ZKSCAN5: variants seen among roughly 807,000 people sequenced by gnomAD.
ZKSCAN5 encodes zinc finger protein with KRAB and SCAN domains 5.
A neutral mutation model predicts 60.0 loss-of-function variants in ZKSCAN5; 28 were observed. That is an observed-to-expected ratio of 0.47 (90% confidence interval 0.35 to 0.64). The LOEUF (loss-of-function observed/expected upper bound fraction) is 0.64, where lower values mean the gene tolerates loss of function less well. Among genes scored for constraint, ZKSCAN5 ranks in the 30% least tolerant of loss-of-function variants. ZKSCAN5 has a pLI of 0.01. For synonymous variants in ZKSCAN5, 361 were observed against 371.2 expected (o/e 0.97, Z 0.31); for missense variants, 881 against 1,034.6 (o/e 0.85, Z 2.04).
intron 2 of ZKSCAN5, among the ~76,000 whole-genome samples, chr7:99,510,215 T>C (rs1235621317): frequency 6.6e-6 from 1 of 151,772 alleles, no homozygotes; most frequent in Admixed American, 6.6e-5. Context: ...GTTACAGGTG[T>C]GAGCCACTGT....
intron 2 of ZKSCAN5, among the ~76,000 whole-genome samples, chr7:99,510,881 A>T (rs1398766970): frequency 6.6e-6 from 1 of 152,094 alleles, no homozygotes; most frequent in Non-Finnish European, 1.5e-5. Flanking sequence ...AGCTGGGACT[A>T]TATAGATGTA....
At chr7:99,520,520 A>C (rs1467148738) in intron 5 of ZKSCAN5, among the ~76,000 whole-genome samples, 1 of 151,730 alleles carries the variant, frequency 6.6e-6, no homozygotes, top group African/African-American at 2.4e-5. Flanking sequence ...TTAAACACTG[A>C]TAGTACTTGG....
chr7:99,525,909 T>G lies in ZKSCAN5; in HGVS notation c.869T>G (p.Val290Gly), dbSNP rs1801761660. 6.2e-7 allele frequency: 1 copy of G among 1,613,984 alleles called. No homozygotes were observed. Among genetic ancestry groups the G allele is most frequent in the South Asian group, 1.1e-5 (1 of 91,066 alleles). The change falls in exon 6 of 7, where the codon GTT (valine) becomes GGT (glycine). Residue 290 changes from valine to glycine, a missense_variant. Physicochemically the swap from Val to Gly is moderately radical, Grantham distance 109. Transcript: ENST00000326775. Reference sequence around the variant, plus strand: ...GCGCCAGAACACACCGAAAGGAGCGTTCCTCAGGATCCAGACTTTGCAGAA... The same window carrying G: ...GCGCCAGAACACACCGAAAGGAGCGGTCCTCAGGATCCAGACTTTGCAGAA... ...WVAPEHTERS[V>G]PQDPDFAEVS...
At chr7:99,509,549 C>G (rs974099033) in intron 2 of ZKSCAN5, among the ~76,000 whole-genome samples, 1 of 151,628 alleles carries the variant, frequency 6.6e-6, no homozygotes, top group African/African-American at 2.4e-5. Context: ...TCACTGCAAG[C>G]TCCACCTCCC....
chr7:99,517,498 T>C (rs1236065078), intron 3 of ZKSCAN5, among the ~76,000 whole-genome samples: 2 of 152,000 alleles, frequency 1.3e-5, no homozygotes, highest in African/African-American at 4.8e-5. Context: ...CTGGCCAACA[T>C]GGCGAAATCC....
intron 5 of ZKSCAN5, among the ~76,000 whole-genome samples, chr7:99,520,729 G>GAT (rs1801499072): frequency 6.6e-6 from 1 of 152,102 alleles, no homozygotes; most frequent in Non-Finnish European, 1.5e-5. Context: ...GCCAGGTGTG[G>GAT]TAGCTCATGC....
chr7:99,516,713 G>T lies in ZKSCAN5; in HGVS notation c.554-3114G>T, dbSNP rs140076570. Among the ~76,000 whole-genome samples, 6 of 152,182 alleles carry T rather than the reference G, an allele frequency of 3.9e-5. No homozygotes were observed. The East Asian group carries it at 1.2e-3, about 29-fold the overall frequency. On this transcript the variant is annotated intron_variant, in intron 3 of 6. Coordinates refer to ENST00000326775, the MANE Select transcript of ZKSCAN5 (RefSeq NM_145102.4). Reference sequence around the variant, plus strand: ...CAGAGGTGAGATGTCCGGGTGTTGCGCATGCTGTTCCTGCTGTGGGGAAAG... The same window carrying T: ...CAGAGGTGAGATGTCCGGGTGTTGCTCATGCTGTTCCTGCTGTGGGGAAAG...
intron 6 of ZKSCAN5, among the ~76,000 whole-genome samples, chr7:99,528,969 AG>A (rs1801927136): frequency 6.6e-6 from 1 of 152,180 alleles, no homozygotes; most frequent in East Asian, 1.9e-4. Context: ...CTAAGGGTGA[AG>A]GGGGCAGGGA....
intron 3 of ZKSCAN5, among the ~76,000 whole-genome samples, chr7:99,518,382 C>T (rs916290639): frequency 6.6e-6 from 1 of 151,398 alleles, no homozygotes; most frequent in Admixed American, 6.6e-5. Context: ...GATCGCGCCA[C>T]TGCACTCTAG....
chr7:99,516,169 C>A (rs1801258146), intron 3 of ZKSCAN5, among the ~76,000 whole-genome samples: 1 of 152,100 alleles, frequency 6.6e-6, no homozygotes, highest in African/African-American at 2.4e-5. Flanking sequence ...TCAGCAGCAG[C>A]TTCTCTCCTA....
chr7:99,520,454 ATT>A, intron 5 of ZKSCAN5, 150 bp downstream of exon 5: 1 of 786,348 alleles, frequency 1.3e-6, no homozygotes. Flanking sequence ...ATCAGCCTTC[ATT>A]TTTTTTTTCT....
chr7:99,515,867 A>C (rs1801244072), intron 3 of ZKSCAN5, among the ~76,000 whole-genome samples: 1 of 151,740 alleles, frequency 6.6e-6, no homozygotes, highest in South Asian at 2.1e-4. Flanking sequence ...AATTAAGCTG[A>C]GTCCTCGAGA....
intron 2 of ZKSCAN5, among the ~76,000 whole-genome samples, chr7:99,507,143 A>T (rs1476543241): frequency 6.6e-6 from 1 of 152,154 alleles, no homozygotes; most frequent in East Asian, 1.9e-4. Context: ...CATATTCTGT[A>T]TGTATAAGCA....
At chr7:99,521,123 T>G (rs1801521475) in intron 5 of ZKSCAN5, among the ~76,000 whole-genome samples, 1 of 152,194 alleles carries the variant, frequency 6.6e-6, no homozygotes, top group African/African-American at 2.4e-5. Flanking sequence ...TAGTAAATTC[T>G]TTTAGAAGAA....
chr7:99,507,587 G>GTATA (rs1288937605), intron 2 of ZKSCAN5, among the ~76,000 whole-genome samples: 39 of 146,116 alleles, frequency 2.7e-4, no homozygotes, highest in African/African-American at 1.0e-3. Context: ...GTATATTTAT[G>GTATA]TGTGTGTGTA....
chr7:99,533,184 C>T lies in ZKSCAN5; in HGVS notation c.*935C>T, dbSNP rs757689100. ...CTGGGTGCCCCAGAAATAGACCTCTCCTGTAGAGTGGTGATATACAGAATG... is the reference window on the plus strand; with the variant it reads ...CTGGGTGCCCCAGAAATAGACCTCTTCTGTAGAGTGGTGATATACAGAATG... On this transcript the variant is annotated 3_prime_UTR_variant, in exon 7 of 7. Coordinates refer to ENST00000326775, the MANE Select transcript of ZKSCAN5 (RefSeq NM_145102.4). The T allele has an allele frequency of 3.3e-6, 2 of 602,788 alleles. No individual in the cohort carries two copies. The highest frequency in any genetic ancestry group is 1.5e-5 in the South Asian group (1 of 65,382). The allele number at this position is 602,788 out of a possible 1,614,324, so 37.3% of individuals were successfully genotyped here.
In ZKSCAN5 at chr7:99,526,094, G is replaced by A. The variant is rs2151113957; in HGVS notation, c.1054G>A (p.Gly352Ser). 1.2e-6 allele frequency: 2 copies of A among 1,614,196 alleles called. No homozygotes were observed. Among genetic ancestry groups the A allele is most frequent in the Middle Eastern group, 1.6e-4 (1 of 6,062 alleles). Residue 352 changes from glycine to serine, a missense_variant, in exon 6 of 7, where the codon GGC (glycine) becomes AGC (serine). Transcript: ENST00000326775. ...GAGAGGGCACAGATGCAGCGATTGT[G>A]GCAAATTCTTCCTCCAAGCCTCAAA... The part of the protein sequence containing the change: ...GERGHRCSDC[G>S]KFFLQASNFI...
Position 99,531,364 on chromosome 7 carries a change from A to G in ZKSCAN5, c.1635A>G (p.Gly545=). 1 of 1,614,170 alleles carries G rather than the reference A, an allele frequency of 6.2e-7. No individual in the cohort carries two copies. Among genetic ancestry groups the G allele is most frequent in the Non-Finnish European group, 8.5e-7 (1 of 1,180,036 alleles). The change falls in exon 7 of 7, where the codon GGA becomes GGG. Residue 545 remains glycine, a synonymous_variant. Transcript: ENST00000326775. ...VPYVHKKSST[G]ERPHKCNECG... The stretch of plus-strand genomic sequence containing the variant: ...ATGTCCACAAAAAATCCTCCACTGG[A>G]GAGAGACCACATAAATGTAACGAGT...
rs370146897 is a variant in ZKSCAN5 at position 99,506,427 on chromosome 7, T to C, written c.383T>C (p.Ile128Thr). Reference protein sequence around the residue: ...GEEAVAVIENIQRELEERRQQ... With the variant: ...GEEAVAVIENTQRELEERRQQ... The stretch of plus-strand genomic sequence containing the variant: ...GAGGCGGTGGCCGTGATAGAAAATA[T>C]ACAGCGAGAACTTGAGGAACGCAGA... The change falls in exon 2 of 7, where the codon ATA becomes ACA. Residue 128 changes from isoleucine to threonine, a missense_variant. Transcript: ENST00000326775. The C allele has an allele frequency of 1.9e-6, 3 of 1,613,452 alleles. No homozygotes were observed. The highest frequency in any genetic ancestry group is 2.7e-5 in the African/African-American group (2 of 74,886).
Sources: gnomAD v4.1 joint callset for allele counts (sites outside exome capture counted in the v4.1 genomes callset) on GRCh38, gnomAD v4.1.1 for gene constraint, MANE v1.5 for transcripts, NCBI Gene and HGNC (gene_info 2026-07-23, HGNC 2026-07-21) for gene names.